The following SMAP1 variants were observed in gnomAD, a reference collection of about 807,000 sequenced individuals.
The protein encoded by SMAP1 is stromal membrane-associated protein 1.
Under a neutral mutation model 58.5 loss-of-function variants are expected in SMAP1, and 24 were observed. The observed-to-expected ratio is 0.41, with a 90% CI of 0.30 to 0.58. The LOEUF is 0.58. SMAP1 is among the 20% of genes least tolerant of loss of function. The pLI is 0.29. For missense variants in SMAP1, 563 were observed against 566.3 expected (o/e 0.99, Z 0.06); for synonymous variants, 216 against 196.6 (o/e 1.10, Z -0.82).
chr6:70,745,024 G>GT (rs1219313282), intron 2 of SMAP1, among the ~76,000 whole-genome samples: 1 of 152,136 alleles, frequency 6.6e-6, no homozygotes, highest in Non-Finnish European at 1.5e-5. Flanking sequence ...GGGGTTGTTT[G>GT]TTTTTTCCTT....
intron 1 of SMAP1, among the ~76,000 whole-genome samples, chr6:70,693,213 C>G (rs544172942): frequency 1.3e-5 from 2 of 151,680 alleles, no homozygotes; most frequent in Admixed American, 6.6e-5. Context: ...TGTGATTCCT[C>G]CAGTTTTGTT....
chr6:70,786,457 A>T (rs1302116577), intron 4 of SMAP1, among the ~76,000 whole-genome samples: 16 of 66,128 alleles, frequency 2.4e-4, no homozygotes, highest in African/African-American at 1.2e-3. Context: ...GGCCAGGGCA[A>T]TTAGGCAGGA....
rs374128907 is a variant in SMAP1, at chr6:70,798,336, G to A, written c.496-321G>A. On this transcript the variant is annotated intron_variant, in intron 5 of 10. Coordinates refer to ENST00000370455, the MANE Select transcript of SMAP1 (RefSeq NM_001044305.3). ...GTTAGGAAGTCTAACCTAATAAAAG[G>A]ATATAGTGAGAATTTATTGAATGGA... Among the ~76,000 whole-genome samples, 19 of 151,372 alleles carry A rather than the reference G, an allele frequency of 1.3e-4. No individual in the cohort carries two copies. The East Asian group carries it at 2.7e-3, about 22-fold the overall frequency.
intron 8 of SMAP1, among the ~76,000 whole-genome samples, chr6:70,853,237 GTAA>G (rs1233452282): frequency 6.6e-6 from 1 of 151,784 alleles, no homozygotes; most frequent in Admixed American, 6.6e-5. Context: ...ATCTAGAACA[GTAA>G]TAATAATGAT....
At chr6:70,802,073 A>G (rs920139761) in intron 6 of SMAP1, among the ~76,000 whole-genome samples, 3 of 152,164 alleles carry the variant, frequency 2.0e-5, no homozygotes, top group East Asian at 1.9e-4. Flanking sequence ...TAGCTTGATG[A>G]AGATGGCATT....
Position 70,861,276 on chromosome 6 carries a change from A to C in SMAP1, c.*942A>C, listed in dbSNP as rs1771714217. The C allele has an allele frequency of 5.4e-6, 1 of 183,652 alleles. No individual in the cohort carries two copies. The highest frequency in any genetic ancestry group is 1.2e-5 in the Non-Finnish European group (1 of 86,352). 11.4% of individuals were successfully genotyped at this position (183,652 alleles called of 1,614,324 possible). ...ATCATCAGGAACGTTTAGCTGACAA[A>C]ATACTTGTCTGTTTTAAAAACCTGT... is the stretch of plus-strand genomic sequence containing the variant. On this transcript the variant is annotated 3_prime_UTR_variant, in exon 11 of 11. Transcript: ENST00000370455.
At chr6:70,691,651 A>G (rs1159986878) in intron 1 of SMAP1, among the ~76,000 whole-genome samples, 1 of 152,066 alleles carries the variant, frequency 6.6e-6, no homozygotes, top group Admixed American at 6.6e-5. Flanking sequence ...TCTACTCTCT[A>G]TCTCCATGAG....
At chr6:70,777,321 GC>G (rs1767587093) in intron 4 of SMAP1, among the ~76,000 whole-genome samples, 1 of 152,178 alleles carries the variant, frequency 6.6e-6, no homozygotes, top group Non-Finnish European at 1.5e-5. Context: ...GTAGACCGGA[GC>G]TGTTCCTATT....
intron 6 of SMAP1, among the ~76,000 whole-genome samples, chr6:70,828,019 AAAC>A (rs1230512857): frequency 6.6e-6 from 1 of 152,224 alleles, no homozygotes; most frequent in Non-Finnish European, 1.5e-5. Context: ...TATTGGGAAT[AAAC>A]AAGAATTATA....
intron 1 of SMAP1, among the ~76,000 whole-genome samples, chr6:70,711,990 T>G (rs980810949): frequency 6.6e-6 from 1 of 152,232 alleles, no homozygotes; most frequent in Non-Finnish European, 1.5e-5. Context: ...TGAGAATAGA[T>G]ATCCTTTCCT....
intron 6 of SMAP1, among the ~76,000 whole-genome samples, chr6:70,826,964 A>G (rs1429043156): frequency 6.7e-6 from 1 of 149,408 alleles, no homozygotes; most frequent in Admixed American, 6.7e-5. Context: ...AAAAAAAGAA[A>G]AAGAAAAGAA....
intron 7 of SMAP1, chr6:70,837,668 CTTT>C: frequency 4.7e-6 from 2 of 422,794 alleles, no homozygotes; most frequent in Non-Finnish European, 6.5e-6. Context: ...CTCTCTCTCT[CTTT>C]TTTTTTTTTT....
At chr6:70,718,576 C>G (rs1391227557) in intron 1 of SMAP1, among the ~76,000 whole-genome samples, 2 of 152,076 alleles carry the variant, frequency 1.3e-5, no homozygotes, top group Non-Finnish European at 2.9e-5. Flanking sequence ...AATCCCAGCA[C>G]TATGGGAGGC....
At chr6:70,692,395 A>G (rs1406004232) in intron 1 of SMAP1, among the ~76,000 whole-genome samples, 1 of 152,070 alleles carries the variant, frequency 6.6e-6, no homozygotes, top group African/African-American at 2.4e-5. Context: ...TTGTCTCTTC[A>G]CTTTGTTGTT....
At chr6:70,681,868 C>G (rs1229256045) in intron 1 of SMAP1, among the ~76,000 whole-genome samples, 1 of 152,102 alleles carries the variant, frequency 6.6e-6, no homozygotes, top group Non-Finnish European at 1.5e-5. Context: ...CTATTAGGTG[C>G]TAATAGGGCT....
intron 3 of SMAP1, among the ~76,000 whole-genome samples, chr6:70,762,340 T>C (rs576926602): frequency 1.3e-3 from 192 of 152,236 alleles, no homozygotes; most frequent in African/African-American, 4.4e-3. Context: ...GAAGGGACAG[T>C]TGAGTGATTG....
intron 6 of SMAP1, among the ~76,000 whole-genome samples, chr6:70,836,268 CA>C (rs1770580071): frequency 6.6e-6 from 1 of 152,292 alleles, no homozygotes; most frequent in South Asian, 2.1e-4. Flanking sequence ...CAAGGAAGAG[CA>C]AGTCACATCT....
chr6:70,836,065 G>T (rs1358785450), intron 6 of SMAP1, among the ~76,000 whole-genome samples: 1 of 152,164 alleles, frequency 6.6e-6, no homozygotes, highest in African/African-American at 2.4e-5. Context: ...ATCATACAGT[G>T]TGTGGATGAT....
In SMAP1 at chr6:70,696,768, A is replaced by G. The variant is rs923775911; in HGVS notation, c.118+28627A>G. On this transcript the variant is annotated intron_variant, in intron 1 of 10. Coordinates refer to ENST00000370455, the MANE Select transcript of SMAP1 (RefSeq NM_001044305.3). ...ATATCTGTTAGGTCCGTTTTGGTCT[A>G]TAGTTCAGATTAAGTCCAATGTTTC... 1.8e-4 allele frequency among the ~76,000 whole-genome samples: 28 copies of G among 152,334 alleles called. 1 individual carries two copies. Among genetic ancestry groups the G allele is most frequent in the South Asian group, 6.2e-4 (3 of 4,828 alleles).
Sources: allele counts gnomAD v4.1 joint callset (sites outside exome capture counted in the v4.1 genomes callset), GRCh38; gene constraint gnomAD v4.1.1; transcripts MANE v1.5; gene names NCBI Gene and HGNC (gene_info 2026-07-23, HGNC 2026-07-21).